RAP1A: variants seen among roughly 807,000 people sequenced by gnomAD.
RAP1A encodes the protein ras-related protein Rap-1A.
In RAP1A, 6 loss-of-function variants were observed where a neutral mutation model predicts 26.4. That is an observed-to-expected ratio of 0.23 (90% CI 0.12 to 0.45). RAP1A has a LOEUF of 0.45. Ranked by LOEUF, RAP1A falls within the 20% of genes least tolerant of loss-of-function variation. The pLI is 0.99. For synonymous variants in RAP1A, 73 were observed against 79.4 expected, an observed-to-expected ratio of 0.92 and a Z score of 0.43; for missense variants, 121 against 217.2, an observed-to-expected ratio of 0.56 and a Z score of 2.78.
intron 1 of RAP1A, among the ~76,000 whole-genome samples, chr1:111,554,262 G>C (rs2101039391): frequency 6.6e-6 from 1 of 152,328 alleles, no homozygotes; most frequent in Non-Finnish European, 1.5e-5. Context: ...GTTTAGAACT[G>C]TAAGAACCTG....
At chr1:111,632,570 T>C (rs1659598650) in intron 1 of RAP1A, among the ~76,000 whole-genome samples, 1 of 152,054 alleles carries the variant, frequency 6.6e-6, no homozygotes, top group South Asian at 2.1e-4. Context: ...GAATGAGGGC[T>C]AGGAGGAGGT....
intron 1 of RAP1A, among the ~76,000 whole-genome samples, chr1:111,655,996 C>T (rs916434124): frequency 4.6e-5 from 7 of 151,808 alleles, no homozygotes; most frequent in Non-Finnish European, 8.8e-5. Context: ...GCCTCCTAAT[C>T]TCTGATTAAT....
intron 1 of RAP1A, among the ~76,000 whole-genome samples, chr1:111,649,827 G>A (rs1399391476): frequency 6.6e-6 from 1 of 152,076 alleles, no homozygotes; most frequent in Non-Finnish European, 1.5e-5. Flanking sequence ...TGGAAAACCG[G>A]TCTGAATGCT....
intron 7 of RAP1A, among the ~76,000 whole-genome samples, chr1:111,711,046 G>A (rs1662369418): frequency 6.6e-6 from 1 of 152,096 alleles, no homozygotes; most frequent in East Asian, 1.9e-4. Context: ...TGGCCTGGCT[G>A]GTCTCAAACT....
At chr1:111,663,340 T>A (rs1348070547) in intron 1 of RAP1A, among the ~76,000 whole-genome samples, 1 of 152,246 alleles carries the variant, frequency 6.6e-6, no homozygotes, top group East Asian at 1.9e-4. Flanking sequence ...TACAATAAAG[T>A]TAAGAATCAA....
chr1:111,709,911 C>A (rs1272838525), intron 7 of RAP1A, among the ~76,000 whole-genome samples: 3 of 152,124 alleles, frequency 2.0e-5, no homozygotes, highest in East Asian at 3.8e-4. Context: ...CATTTAAGTT[C>A]TTTCTTTGGG....
chr1:111,670,950 GA>G (rs1660953659), intron 1 of RAP1A, among the ~76,000 whole-genome samples: 1 of 152,154 alleles, frequency 6.6e-6, no homozygotes, highest in Non-Finnish European at 1.5e-5. Flanking sequence ...TCCTTTACTT[GA>G]ATATTTGGAG....
At chr1:111,594,393 T>C (rs917633751) in intron 1 of RAP1A, among the ~76,000 whole-genome samples, 77 of 152,148 alleles carry the variant, frequency 5.1e-4, no homozygotes, top group African/African-American at 1.8e-3. Context: ...GGCAAGGGAA[T>C]TGCTTGAGCC....
At chr1:111,666,295 TTAAG>T (rs1309261123) in intron 1 of RAP1A, among the ~76,000 whole-genome samples, 12 of 152,168 alleles carry the variant, frequency 7.9e-5, no homozygotes, top group South Asian at 2.1e-4. Context: ...TCTTCTCAAA[TTAAG>T]TATTTATACT....
chr1:111,703,592 A>C lies in RAP1A; in HGVS notation c.324+116A>C, dbSNP rs1349138421. On this transcript the variant is annotated intron_variant, in intron 5 of 7. Coordinates refer to ENST00000369709, the MANE Select transcript of RAP1A (RefSeq NM_002884.4). ...AAGCTATCTACCACATGCCTGAAAG[A>C]GCCCCTGTGACCAAAAGAAAAAAAT... is the stretch of plus-strand genomic sequence containing the variant. The C allele has an allele frequency of 2.9e-6, 3 of 1,030,718 alleles. No homozygotes were observed. The African/African-American group carries it at 4.9e-5, about 17-fold the overall frequency. The allele number at this position is 1,030,718 out of a possible 1,614,324, so 63.8% of individuals were successfully genotyped here. A position where few individuals can be genotyped will look rare whatever the true frequency, so the allele number is the denominator to read the frequency against.
In RAP1A at chr1:111,644,441, T is replaced by G. The variant is rs763497061; in HGVS notation, c.-28+24507T>G. ...TTGCTTCCTCACATCACTCTAAGAT[T>G]CAGCTTCCCGGGAAACTCAGCCTGA... On this transcript the variant is annotated intron_variant, in intron 1 of 7. Coordinates refer to ENST00000369709, the MANE Select transcript of RAP1A (RefSeq NM_002884.4). 1.2e-3 allele frequency among the ~76,000 whole-genome samples: 177 copies of G among 152,090 alleles called. 1 individual carries two copies. The highest frequency in any genetic ancestry group is 3.1e-4 in the Non-Finnish European group (21 of 68,012).
rs560144966 is a variant in RAP1A, at chr1:111,676,696, A to G, written c.-27-14638A>G. 3.9e-5 allele frequency among the ~76,000 whole-genome samples: 6 copies of G among 152,182 alleles called. No homozygotes were observed. The East Asian group carries it at 1.2e-3, about 29-fold the overall frequency. ...TCTCATCACCCCAAAAAGTATCCTC[A>G]TGCTCCTTTGTAGCCATTACCCCTG... On this transcript the variant is annotated intron_variant, in intron 1 of 7. Transcript: ENST00000369709.
chr1:111,575,353 A>T (rs1430793795), intron 1 of RAP1A, among the ~76,000 whole-genome samples: 1 of 152,186 alleles, frequency 6.6e-6, no homozygotes, highest in East Asian at 1.9e-4. Flanking sequence ...GGGTTTCGCC[A>T]TGTTGGCCAG....
At chr1:111,675,637 T>C (rs1444504152) in intron 1 of RAP1A, among the ~76,000 whole-genome samples, 1 of 152,230 alleles carries the variant, frequency 6.6e-6, no homozygotes, top group Non-Finnish European at 1.5e-5. Context: ...CTTTTCATTT[T>C]TGTTTCCTTG....
intron 1 of RAP1A, among the ~76,000 whole-genome samples, chr1:111,561,087 A>G (rs1657718528): frequency 6.6e-6 from 1 of 152,136 alleles, no homozygotes; most frequent in Non-Finnish European, 1.5e-5. Flanking sequence ...AGGACTTTCC[A>G]TCTTCAAAGC....
chr1:111,608,319 C>G (rs1215872693), intron 1 of RAP1A: 1 of 162,128 alleles, frequency 6.2e-6, no homozygotes, highest in African/African-American at 2.4e-5. Flanking sequence ...CGGGCAGAGA[C>G]GCTCCTCACT....
chr1:111,631,179 T>C (rs976918077), intron 1 of RAP1A, among the ~76,000 whole-genome samples: 6 of 152,242 alleles, frequency 3.9e-5, no homozygotes, highest in African/African-American at 1.4e-4. Flanking sequence ...AATAAAATAT[T>C]GTACTTATCC....
chr1:111,698,792 T>C (rs183105812), intron 4 of RAP1A, among the ~76,000 whole-genome samples: 40 of 152,250 alleles, frequency 2.6e-4, no homozygotes, highest in Non-Finnish European at 4.6e-4. Context: ...AAGCTTCTGG[T>C]AAAGACCTTC....
chr1:111,658,064 G>A, intron 1 of RAP1A, among the ~76,000 whole-genome samples: 1 of 152,170 alleles, frequency 6.6e-6, no homozygotes, highest in Non-Finnish European at 1.5e-5. Context: ...AATGTTTCGT[G>A]TACACTTGAA....
Sources: allele counts gnomAD v4.1 joint callset (sites outside exome capture counted in the v4.1 genomes callset), GRCh38; gene constraint gnomAD v4.1.1; transcripts MANE v1.5; gene names NCBI Gene and HGNC (gene_info 2026-07-23, HGNC 2026-07-21).